Variants in NME9 observed in about 807,000 individuals in gnomAD.
NME9 encodes thioredoxin domain-containing protein 6.
NME9 carries 48 observed loss-of-function variants against 44.4 expected under a neutral mutation model. The observed-to-expected ratio is 1.08, with a 90% confidence interval of 0.86 to 1.37. The LOEUF (loss-of-function observed/expected upper bound fraction) is 1.37. NME9 is among the 40% of genes most tolerant of loss of function. NME9 has a pLI of 0.00. For synonymous variants in NME9, 139 were observed against 147.1 expected (o/e 0.94, Z 0.40); for missense variants, 325 against 405.2 (o/e 0.80, Z 1.70).
chr3:138,325,659 C>G (rs2053741472), intron 1 of NME9, among the ~76,000 whole-genome samples: 1 of 152,100 alleles, frequency 6.6e-6, no homozygotes, highest in Non-Finnish European at 1.5e-5. Flanking sequence ...CTGCCCACCT[C>G]GGCCTCCCAA....
chr3:138,280,135 C>T (rs2049738994), intron 8 of NME9, among the ~76,000 whole-genome samples: 1 of 151,974 alleles, frequency 6.6e-6, no homozygotes, highest in Non-Finnish European at 1.5e-5. Context: ...AACTCCTGAC[C>T]TCAGCTGATC....
rs2053202966 is a variant in NME9 at position 138,318,012 on chromosome 3, C to T, written c.267+136G>A. 4 of 663,106 alleles carry T rather than the reference C, an allele frequency of 6.0e-6. No individual in the cohort carries two copies. In the South Asian group the frequency reaches 6.7e-5, roughly 11 times the overall value. The allele number at this position is 663,106 out of a possible 1,614,324, so 41.1% of individuals were successfully genotyped here. The stretch of plus-strand genomic sequence containing the variant: ...GGAGGCATCAGAGAAAACAGCATCA[C>T]TTGTTTGAATCTGTGAGGCCTCTTG... On this transcript the variant is annotated intron_variant, in intron 4 of 10. Coordinates refer to ENST00000333911, the MANE Select transcript of NME9 (RefSeq NM_001349018.2).
chr3:138,264,084 TAA>T (rs1397821271), intron 8 of NME9: 1 of 1,549,270 alleles, frequency 6.5e-7, no homozygotes. Context: ...GTTTGAAAAG[TAA>T]AAGTTTTGAT....
At position 138,305,967 on chromosome 3, in the gene NME9, G is replaced by A. The variant is rs371437368; in HGVS notation, c.636+37C>T. On this transcript the variant is annotated intron_variant, in intron 8 of 10. Transcript: ENST00000333911. ...AGCATAATGTTGGAGGAAGAGAAAC[G>A]ACAGTGTGTTGAACTTGTGGAAGTA... The A allele has an allele frequency of 1.2e-5, 16 of 1,308,730 alleles. No individual in the cohort carries two copies. The African/African-American group carries it at 2.0e-4, about 17-fold the overall frequency. 81.1% of individuals were successfully genotyped at this position (1,308,730 alleles called of 1,614,324 possible). A position where few individuals can be genotyped will look rare whatever the true frequency, so the allele number is the denominator to read the frequency against.
At chr3:138,265,699 G>C (rs1213408346) in intron 8 of NME9, among the ~76,000 whole-genome samples, 1 of 151,914 alleles carries the variant, frequency 6.6e-6, no homozygotes, top group Non-Finnish European at 1.5e-5. Context: ...GTAGGGAACG[G>C]CAAGTATACC....
intron 10 of NME9, 82 bp from the exon 11 acceptor site, chr3:138,301,786 A>C: frequency 1.7e-6 from 2 of 1,152,752 alleles, no homozygotes; most frequent in Non-Finnish European, 1.3e-6. Flanking sequence ...CCACAAAGAA[A>C]TAGGAAGTTA....
intron 3 of NME9, among the ~76,000 whole-genome samples, chr3:138,318,864 G>T (rs1469736807): frequency 6.6e-6 from 1 of 152,038 alleles, no homozygotes; most frequent in African/African-American, 2.4e-5. Context: ...AAAACCCTTT[G>T]CTCTGAAAAT....
chr3:138,326,256 G>A (rs1013163572), intron 1 of NME9, among the ~76,000 whole-genome samples: 1 of 152,194 alleles, frequency 6.6e-6, no homozygotes, highest in African/African-American at 2.4e-5. Flanking sequence ...CTCCCTAGCA[G>A]ATGAGACACA....
intron 1 of NME9, among the ~76,000 whole-genome samples, 180 bp downstream of exon 1, chr3:138,329,123 T>C (rs1184517659): frequency 6.6e-6 from 1 of 152,238 alleles, no homozygotes; most frequent in Non-Finnish European, 1.5e-5. Flanking sequence ...TTGTCATCAC[T>C]GGGGTTCCAA....
intron 8 of NME9, among the ~76,000 whole-genome samples, chr3:138,288,390 A>G (rs1005252397): frequency 1.3e-5 from 2 of 152,242 alleles, no homozygotes; most frequent in Admixed American, 6.5e-5. Flanking sequence ...TTGTCATATG[A>G]CAGTGTTTCC....
At chr3:138,270,161 C>G (rs183452792) in intron 8 of NME9, 1 of 1,449,134 alleles carries the variant, frequency 6.9e-7, no homozygotes, top group Non-Finnish European at 9.7e-7. Flanking sequence ...TATATCATAA[C>G]TTACAAAAGG....
chr3:138,327,660 G>A (rs1216036835), intron 1 of NME9, among the ~76,000 whole-genome samples: 1 of 152,140 alleles, frequency 6.6e-6, no homozygotes, highest in Admixed American at 6.5e-5. Context: ...AGAGGACAAG[G>A]TTCCTGGGTT....
chr3:138,284,809 T>C (rs919104183), intron 8 of NME9, among the ~76,000 whole-genome samples: 7 of 152,178 alleles, frequency 4.6e-5, no homozygotes, highest in Non-Finnish European at 7.3e-5. Flanking sequence ...CTCTTGGCTT[T>C]CTCTCAGTGG....
At chr3:138,306,987 C>G (rs1393788646) in intron 6 of NME9, among the ~76,000 whole-genome samples, 1 of 152,224 alleles carries the variant, frequency 6.6e-6, no homozygotes, top group Non-Finnish European at 1.5e-5. Context: ...ACTCTACTGG[C>G]TCCTGTGCCT....
chr3:138,308,527 A>G (rs1009378979), intron 6 of NME9, among the ~76,000 whole-genome samples: 1 of 152,208 alleles, frequency 6.6e-6, no homozygotes, highest in Non-Finnish European at 1.5e-5. Context: ...GAACACAGGA[A>G]AGAGGTTGTA....
chr3:138,270,102 T>A, intron 8 of NME9: 2 of 1,613,570 alleles, frequency 1.2e-6, no homozygotes, highest in South Asian at 2.2e-5. Flanking sequence ...AAAATCCTGC[T>A]TTACGAGTGA....
chr3:138,327,404 C>T (rs2053865194), intron 1 of NME9, among the ~76,000 whole-genome samples: 1 of 152,064 alleles, frequency 6.6e-6, no homozygotes, highest in African/African-American at 2.4e-5. Flanking sequence ...CTCTCTGTGG[C>T]CCACCCCTGT....
chr3:138,282,080 C>T (rs1031287604), intron 8 of NME9, among the ~76,000 whole-genome samples: 4 of 152,136 alleles, frequency 2.6e-5, no homozygotes, highest in Admixed American at 1.3e-4. Context: ...CCAGGTTTTA[C>T]CTGTGTTCCC....
At chr3:138,305,879 C>A in intron 8 of NME9, 125 bp downstream of exon 8, 1 of 713,528 alleles carries the variant, frequency 1.4e-6, no homozygotes, top group Non-Finnish European at 2.5e-6. Context: ...ATTCATGACC[C>A]ACTTGCTGTT....
Sources: allele counts gnomAD v4.1 joint callset (sites outside exome capture counted in the v4.1 genomes callset), GRCh38; gene constraint gnomAD v4.1.1; transcripts MANE v1.5; gene names NCBI Gene and HGNC (gene_info 2026-07-23, HGNC 2026-07-21).